MYO1B: variants seen among roughly 807,000 people sequenced by gnomAD.
MYO1B encodes unconventional myosin-Ib.
A neutral mutation model predicts 159.7 loss-of-function variants in MYO1B; 72 were observed. That is an observed-to-expected ratio of 0.45 (90% confidence interval 0.37 to 0.55). The LOEUF (loss-of-function observed/expected upper bound fraction) is 0.55, where lower values mean the gene tolerates loss of function less well. Ranked by LOEUF, MYO1B falls within the 20% of genes least tolerant of loss-of-function variation. MYO1B has a pLI of 0.00. For missense variants in MYO1B, 1,062 were observed against 1,364.8 expected (o/e 0.78, Z 3.50); for synonymous variants, 468 against 473.8 (o/e 0.99, Z 0.16).
At chr2:191,303,269 C>T (rs1027459441) in intron 3 of MYO1B, among the ~76,000 whole-genome samples, 1 of 151,932 alleles carries the variant, frequency 6.6e-6, no homozygotes, top group Non-Finnish European at 1.5e-5. Flanking sequence ...TCTGAATTCT[C>T]CTGTAGAGGT....
chr2:191,407,858 A>G (rs1697023466), intron 24 of MYO1B: 2 of 280,552 alleles, frequency 7.1e-6, no homozygotes, highest in African/African-American at 4.4e-5. Flanking sequence ...TTCTTGTCAA[A>G]TCATCAGATT....
chr2:191,343,474 AAG>A (rs557710903), intron 5 of MYO1B, among the ~76,000 whole-genome samples: 48 of 152,332 alleles, frequency 3.2e-4, no homozygotes, highest in African/African-American at 1.1e-3. Flanking sequence ...TTAGTAGCAT[AAG>A]AGAGAAATGA....
intron 4 of MYO1B, among the ~76,000 whole-genome samples, chr2:191,336,004 C>A (rs1407232045): frequency 1.3e-5 from 2 of 152,132 alleles, no homozygotes; most frequent in Non-Finnish European, 2.9e-5. Flanking sequence ...ATTGAACTCA[C>A]AACTCACTCC....
intron 2 of MYO1B, among the ~76,000 whole-genome samples, chr2:191,292,620 G>T (rs961254421): frequency 6.6e-6 from 1 of 151,250 alleles, no homozygotes. Context: ...GGTCTGAGTC[G>T]ATGTTAATGC....
intron 3 of MYO1B, among the ~76,000 whole-genome samples, chr2:191,317,323 C>A (rs968885252): frequency 3.9e-5 from 6 of 152,142 alleles, no homozygotes; most frequent in Non-Finnish European, 8.8e-5. Context: ...GACGAAAGGG[C>A]ATATCAGCTG....
chr2:191,393,342 T>C, intron 20 of MYO1B, 120 bp downstream of exon 20: 1 of 1,162,470 alleles, frequency 8.6e-7, no homozygotes, highest in South Asian at 1.7e-5. Context: ...CATGAGATAA[T>C]GGATGTTCTT....
intron 19 of MYO1B, among the ~76,000 whole-genome samples, chr2:191,392,792 T>G (rs989391696): frequency 6.6e-6 from 1 of 152,202 alleles, no homozygotes; most frequent in Non-Finnish European, 1.5e-5. Context: ...TGCATCCTCA[T>G]AGACAGTGTG....
chr2:191,369,537 A>C lies in MYO1B; in HGVS notation c.1033-5A>C. 1 of 1,609,946 alleles carries C rather than the reference A, an allele frequency of 6.2e-7. No individual in the cohort carries two copies. Among genetic ancestry groups the C allele is most frequent in the South Asian group, 1.1e-5 (1 of 90,546 alleles). The stretch of plus-strand genomic sequence containing the variant: ...GTTAAGTTTTGTTTGTTTGTTTTTT[A>C]ATAGGCTTATTATGCCCGTGATGCT... On this transcript the variant is annotated splice_region_variant and splice_polypyrimidine_tract_variant and intron_variant, in intron 11 of 30. Coordinates refer to ENST00000392318, the MANE Select transcript of MYO1B (RefSeq NM_001130158.3).
intron 2 of MYO1B, 46 bp from the exon 3 acceptor site, chr2:191,296,065 A>G: frequency 8.8e-7 from 1 of 1,139,026 alleles, no homozygotes; most frequent in Non-Finnish European, 1.2e-6. Flanking sequence ...GTTAAAATAC[A>G]TTTTGTGTAC....
chr2:191,408,257 C>T (rs1697049593), intron 25 of MYO1B, 68 bp downstream of exon 25: 2 of 1,116,900 alleles, frequency 1.8e-6, no homozygotes, highest in Non-Finnish European at 2.7e-6. Flanking sequence ...TCACCAACTC[C>T]ATAAAATGTG....
chr2:191,286,258 G>A lies in MYO1B; in HGVS notation c.135+9228G>A, dbSNP rs141086362. Among the ~76,000 whole-genome samples the A allele has an allele frequency of 6.9e-4, 104 of 151,380 alleles. 1 individual carries two copies. The East Asian group carries it at 0.014, about 20-fold the overall frequency. ...TAAGTCTGTTATTCACCTTATACTT[G>A]TAATTTTTACTTAGGCATTTTGCAC... On this transcript the variant is annotated intron_variant, in intron 2 of 30. Transcript: ENST00000392318.
At position 191,341,576 on chromosome 2, in the gene MYO1B, T is replaced by A. The variant is rs767996513; in HGVS notation, c.451+11T>A. ...ACCCGGTCCTGGAAGGTAGGATGTGTTATGTTCATTAAGTCGGTGTGACTC... is the reference window on the plus strand; with the variant it reads ...ACCCGGTCCTGGAAGGTAGGATGTGATATGTTCATTAAGTCGGTGTGACTC... On this transcript the variant is annotated intron_variant, in intron 5 of 30. Transcript: ENST00000392318. 4 of 1,602,750 alleles carry A rather than the reference T, an allele frequency of 2.5e-6. No homozygotes were observed. Among genetic ancestry groups the A allele is most frequent in the Non-Finnish European group, 3.4e-6 (4 of 1,170,440 alleles).
Position 191,402,315 on chromosome 2 carries a change from AGT to A in MYO1B, c.2470-313_2470-312del, listed in dbSNP as rs1411182399. ...GAAGGCTTTGATATGGGAGTGAAAG[AGT>A]GTGGAGAAGGCAGCGAACAGAGAGA... is the stretch of plus-strand genomic sequence containing the variant. On this transcript the variant is annotated intron_variant, in intron 23 of 30. Coordinates refer to ENST00000392318, the MANE Select transcript of MYO1B (RefSeq NM_001130158.3). 11 of 347,042 alleles carry A rather than the reference AGT, an allele frequency of 3.2e-5. No homozygotes were observed. In the Admixed American group the frequency reaches 4.9e-4, roughly 15 times the overall value. The allele number at this position is 347,042 out of a possible 1,614,324, so 21.5% of individuals were successfully genotyped here. A position where few individuals can be genotyped will look rare whatever the true frequency, so the allele number is the denominator to read the frequency against.
chr2:191,297,617 A>T (rs1366424323), intron 3 of MYO1B, among the ~76,000 whole-genome samples: 2 of 152,322 alleles, frequency 1.3e-5, no homozygotes, highest in East Asian at 3.9e-4. Flanking sequence ...GTAGATATTG[A>T]TGAGGAAATG....
At chr2:191,318,197 G>A (rs1690476108) in intron 3 of MYO1B, among the ~76,000 whole-genome samples, 1 of 152,170 alleles carries the variant, frequency 6.6e-6, no homozygotes, top group South Asian at 2.1e-4. Flanking sequence ...ACAGGCAAGG[G>A]ACTCCTAGAG....
chr2:191,261,162 A>G (rs1473035216), intron 1 of MYO1B, among the ~76,000 whole-genome samples: 1 of 152,188 alleles, frequency 6.6e-6, no homozygotes, highest in Non-Finnish European at 1.5e-5. Context: ...GTTGAGAAGA[A>G]TGCTTCTCCA....
At chr2:191,269,897 T>A (rs939534414) in intron 1 of MYO1B, among the ~76,000 whole-genome samples, 7 of 150,356 alleles carry the variant, frequency 4.7e-5, no homozygotes, top group Admixed American at 3.9e-4. Context: ...TTAGAGGGAG[T>A]AAGATTTTTC....
intron 3 of MYO1B, among the ~76,000 whole-genome samples, chr2:191,316,806 A>G (rs947073641): frequency 1.6e-4 from 25 of 152,162 alleles, no homozygotes; most frequent in African/African-American, 5.3e-4. Flanking sequence ...AGCATGTCAG[A>G]TTTCAGTGGC....
chr2:191,417,559 C>T (rs41464947), intron 30 of MYO1B, among the ~76,000 whole-genome samples: 1,549 of 152,178 alleles, frequency 0.01, 62 homozygotes, highest in Admixed American at 0.076. Context: ...AGTGTACAGA[C>T]GAAGCAGTCT....
Sources: allele counts gnomAD v4.1 joint callset (sites outside exome capture counted in the v4.1 genomes callset), GRCh38; gene constraint gnomAD v4.1.1; transcripts MANE v1.5; gene names NCBI Gene and HGNC (gene_info 2026-07-23, HGNC 2026-07-21).